RFC2: variants seen among roughly 807,000 people sequenced by gnomAD.
The protein encoded by RFC2 is replication factor C subunit 2.
Under a neutral mutation model 44.8 loss-of-function variants are expected in RFC2, and 34 were observed. That is an observed-to-expected ratio of 0.76 (90% CI 0.58 to 1.01). The LOEUF is 1.01. RFC2 is among the 50% of genes least tolerant of loss of function. The pLI, the probability that RFC2 is intolerant of heterozygous loss-of-function variation, is 0.00. For synonymous variants in RFC2, 177 were observed against 168.9 expected, an observed-to-expected ratio of 1.05 and a Z score of -0.37; for missense variants, 400 against 453.6, an observed-to-expected ratio of 0.88 and a Z score of 1.07.
chr7:74,235,597 C>A lies in RFC2; in HGVS notation c.889G>T (p.Gly297Cys), dbSNP rs782408054. 148 of 1,613,732 alleles carry A rather than the reference C, an allele frequency of 9.2e-5. No homozygotes were observed. Among genetic ancestry groups the A allele is most frequent in the Non-Finnish European group, 1.2e-4 (139 of 1,179,760 alleles). The part of the protein sequence containing the change: ...HLGYSPEDII[G>C]NIFRVCKTFQ... ...GTTTTACACACTCGAAAGATGTTGC[C>A]AATGATATCTTCTGGTGAGTAGCCC... The change falls in exon 10 of 11, where the codon GGC becomes TGC. Residue 297 changes from glycine (G) to cysteine (C), a missense_variant. By Grantham distance (159) the Gly-to-Cys change is radical (BLOSUM62 -3). Coordinates refer to ENST00000055077, the MANE Select transcript of RFC2 (RefSeq NM_181471.3).
At chr7:74,246,398 C>CAAA (rs58046761) in intron 5 of RFC2, among the ~76,000 whole-genome samples, 1 of 58,262 alleles carries the variant, frequency 1.7e-5, no homozygotes, top group African/African-American at 6.8e-5. Context: ...AACTCCATCT[C>CAAA]AAAAAAAAAA....
At chr7:74,241,452 G>A (rs930069332) in intron 6 of RFC2, among the ~76,000 whole-genome samples, 9 of 152,222 alleles carry the variant, frequency 5.9e-5, no homozygotes, top group African/African-American at 2.2e-4. Flanking sequence ...ACTGCTGAGA[G>A]CCCCACCAGG....
chr7:74,248,889 G>C (rs1803773557), intron 4 of RFC2, 123 bp downstream of exon 4: 3 of 697,022 alleles, frequency 4.3e-6, no homozygotes, highest in Non-Finnish European at 7.7e-6. Context: ...CACTGGGAAG[G>C]GGTGGAGGAA....
At chr7:74,242,744 T>C (rs1386927287) in intron 6 of RFC2, among the ~76,000 whole-genome samples, 1 of 113,918 alleles carries the variant, frequency 8.8e-6, no homozygotes, top group East Asian at 2.4e-4. Context: ...TGAAACCCCA[T>C]CTCTTAAAAA....
At chr7:74,250,840 G>A (rs1786888961) in intron 2 of RFC2, among the ~76,000 whole-genome samples, 1 of 151,974 alleles carries the variant, frequency 6.6e-6, no homozygotes, top group Admixed American at 6.6e-5. Flanking sequence ...CCAGGCTGGA[G>A]TACAATGGCA....
chr7:74,236,000 C>T (rs1341126056), intron 9 of RFC2, among the ~76,000 whole-genome samples: 2 of 152,176 alleles, frequency 1.3e-5, no homozygotes, highest in African/African-American at 4.8e-5. Context: ...TGGTCTACTA[C>T]CACACCCATG....
In RFC2 at chr7:74,240,073, T is replaced by C. The variant is rs781849777; in HGVS notation, c.558A>G (p.Ala186=). The part of the protein sequence containing the change: ...KIIEPIQSRC[A]VLRYTKLTDA... ...CGGTCAGCTTTGTGTACCGGAGGAC[T>C]GCACAGCGGGACTGAATGGGCTCTG... Residue 186 remains alanine, a synonymous_variant, in exon 7 of 11, where the codon GCA becomes GCG. Transcript: ENST00000055077. The C allele has an allele frequency of 1.2e-6, 2 of 1,614,034 alleles. No individual in the cohort carries two copies. Among genetic ancestry groups the C allele is most frequent in the South Asian group, 2.2e-5 (2 of 91,076 alleles).
intron 10 of RFC2, chr7:74,233,774 C>T (rs1554717688): frequency 4.4e-6 from 2 of 456,044 alleles, no homozygotes; most frequent in South Asian, 1.5e-5. Flanking sequence ...TCATTACACA[C>T]CTATTAGAAT....
At chr7:74,248,365 T>G (rs372351678) in intron 4 of RFC2, among the ~76,000 whole-genome samples, 1 of 151,676 alleles carries the variant, frequency 6.6e-6, no homozygotes, top group East Asian at 1.9e-4. Context: ...CATGGTGGCA[T>G]GTGTCTATAG....
intron 9 of RFC2, 200 bp downstream of exon 9, chr7:74,237,161 TG>T (rs1554718446): frequency 2.3e-5 from 10 of 442,960 alleles, no homozygotes; most frequent in Non-Finnish European, 4.2e-5. Context: ...TCACCCAGGC[TG>T]GGGTACAGTG....
intron 3 of RFC2, among the ~76,000 whole-genome samples, 188 bp downstream of exon 3, chr7:74,249,551 A>T (rs1407898251): frequency 6.6e-6 from 1 of 151,902 alleles, no homozygotes; most frequent in Non-Finnish European, 1.5e-5. Flanking sequence ...AGAAAAAAAA[A>T]TAAATAAATA....
At chr7:74,241,273 G>C (rs1045313758) in intron 6 of RFC2, among the ~76,000 whole-genome samples, 2 of 152,158 alleles carry the variant, frequency 1.3e-5, no homozygotes, top group Non-Finnish European at 2.9e-5. Context: ...TTCATTGCTG[G>C]CATCTGCAAA....
At chr7:74,251,628 T>C (rs1786959968) in intron 2 of RFC2, among the ~76,000 whole-genome samples, 1 of 150,326 alleles carries the variant, frequency 6.7e-6, no homozygotes, top group Non-Finnish European at 1.5e-5. Flanking sequence ...TGAAACCCCA[T>C]CTCTACTAAA....
intron 1 of RFC2, 30 bp downstream of exon 1, chr7:74,254,241 G>T (rs1277688119): frequency 6.5e-7 from 1 of 1,528,582 alleles, no homozygotes; most frequent in South Asian, 1.1e-5. Flanking sequence ...ACGTCCAAAC[G>T]CGCCCATTCT....
At chr7:74,234,378 T>G (rs1802891058) in intron 10 of RFC2, among the ~76,000 whole-genome samples, 1 of 152,164 alleles carries the variant, frequency 6.6e-6, no homozygotes, top group African/African-American at 2.4e-5. Flanking sequence ...ATGGTGATAG[T>G]GTTTGCATGA....
In RFC2 at chr7:74,254,385, C is replaced by CT; in HGVS notation, c.-3dup. On this transcript the variant is annotated 5_prime_UTR_variant, in exon 1 of 11. Transcript: ENST00000055077. Reference sequence around the variant, plus strand: ...ACCACAGACGGCCTCCACCTCCATTCTCGCGCCTCCTCTTCCCGCCACCCG... The same window carrying CT: ...ACCACAGACGGCCTCCACCTCCATTCTTCGCGCCTCCTCTTCCCGCCACCCG... 3 of 1,585,246 alleles carry CT rather than the reference C, an allele frequency of 1.9e-6. No homozygotes were observed. Among genetic ancestry groups the CT allele is most frequent in the Non-Finnish European group, 2.6e-6 (3 of 1,162,444 alleles).
At chr7:74,237,465 C>T (rs371522414) in intron 8 of RFC2, 23 bp from the exon 9 acceptor site, 717 of 1,515,334 alleles carry the variant, frequency 4.7e-4, no homozygotes, top group Non-Finnish European at 6.1e-4. Context: ...AAAGGAAAGG[C>T]GGTCAGGGGC....
intron 5 of RFC2, among the ~76,000 whole-genome samples, chr7:74,245,411 A>G (rs1803539261): frequency 6.6e-6 from 1 of 151,684 alleles, no homozygotes; most frequent in African/African-American, 2.4e-5. Context: ...ACTTCAAAAT[A>G]GTTAAAATGG....
intron 4 of RFC2, among the ~76,000 whole-genome samples, chr7:74,247,190 A>G (rs1438855171): frequency 6.6e-6 from 1 of 151,688 alleles, no homozygotes; most frequent in Non-Finnish European, 1.5e-5. Context: ...ATTATCTTTC[A>G]AAAGATGTAA....
Sources: allele counts gnomAD v4.1 joint callset (sites outside exome capture counted in the v4.1 genomes callset), GRCh38; gene constraint gnomAD v4.1.1; transcripts MANE v1.5; gene names NCBI Gene and HGNC (gene_info 2026-07-23, HGNC 2026-07-21).